The following SIK3 variants were observed in gnomAD, a reference collection of about 807,000 sequenced individuals.
SIK3 encodes serine/threonine-protein kinase SIK3.
SIK3 carries 28 observed loss-of-function variants against 144.2 expected under a neutral mutation model. That is an observed-to-expected ratio of 0.19 (90% CI 0.14 to 0.27). The LOEUF (loss-of-function observed/expected upper bound fraction) is 0.27. Among genes scored for constraint, SIK3 ranks in the 10% least tolerant of loss-of-function variants. The pLI is 1.00. For missense variants in SIK3, 1,319 were observed against 1,776.0 expected (o/e 0.74, Z 4.62); for synonymous variants, 686 against 676.3 (o/e 1.01, Z -0.22).
At chr11:116,864,557 T>A (rs1435218079) in intron 15 of SIK3, 1 of 152,302 alleles carries the variant, frequency 6.6e-6, no homozygotes, top group Non-Finnish European at 1.5e-5. Flanking sequence ...ACAGCCAGAA[T>A]CTTACAGAAA....
chr11:116,907,862 C>T (rs538592273), intron 4 of SIK3, among the ~76,000 whole-genome samples: 89 of 151,916 alleles, frequency 5.9e-4, no homozygotes, highest in Non-Finnish European at 2.6e-4. Flanking sequence ...AAAAGTGGCA[C>T]AGGAACAACT....
rs373470382 is a variant in SIK3 at position 116,897,129 on chromosome 11, C to T, written c.741+64G>A. 6 of 1,529,050 alleles carry T rather than the reference C, an allele frequency of 3.9e-6. No individual in the cohort carries two copies. In the East Asian group the frequency reaches 7.0e-5, roughly 18 times the overall value. 94.7% of individuals were successfully genotyped at this position (1,529,050 alleles called of 1,614,324 possible). A position where few individuals can be genotyped will look rare whatever the true frequency, so the allele number is the denominator to read the frequency against. On this transcript the variant is annotated intron_variant, in intron 5 of 24. Coordinates refer to ENST00000445177, the MANE Select transcript of SIK3 (RefSeq NM_001366686.3). ...GCATCATTATGTATCCTTCAGGATG[C>T]GAATAGCTGTCATCAACCAAGGGTA...
intron 1 of SIK3, among the ~76,000 whole-genome samples, chr11:117,046,255 T>C (rs969197659): frequency 5.3e-5 from 8 of 152,216 alleles, no homozygotes; most frequent in Non-Finnish European, 1.0e-4. Flanking sequence ...CAAAATACCA[T>C]GACACAATTA....
At chr11:116,920,801 G>T (rs1946925347) in intron 4 of SIK3, among the ~76,000 whole-genome samples, 1 of 152,228 alleles carries the variant, frequency 6.6e-6, no homozygotes, top group Non-Finnish European at 1.5e-5. Flanking sequence ...GCCAGTGGGA[G>T]TGTGACAATA....
rs1311207540 is a variant in SIK3 at position 117,018,716 on chromosome 11, ATTTATTTTT to A, written c.274-61661_274-61653del. Among the ~76,000 whole-genome samples the A allele has an allele frequency of 4.2e-3, 309 of 72,964 alleles. 3 individuals are homozygous for A. Among genetic ancestry groups the A allele is most frequent in the African/African-American group, 0.025 (287 of 11,306 alleles). The allele number at this position is 72,964 out of a possible 152,430, so 47.9% of individuals were successfully genotyped here. On this transcript the variant is annotated intron_variant, in intron 1 of 24. Coordinates refer to ENST00000445177, the MANE Select transcript of SIK3 (RefSeq NM_001366686.3). ...TGTATCATTGTTTTTATTTTATTTT[ATTTATTTTT>A]TTTTTTTGAAACAGTTTCACTCCGT...
intron 16 of SIK3, among the ~76,000 whole-genome samples, chr11:116,863,374 A>C (rs776235772): frequency 5.9e-5 from 9 of 152,068 alleles, no homozygotes; most frequent in Non-Finnish European, 1.3e-4. Flanking sequence ...TCTCAGCCTC[A>C]GGAGTAGCTG....
At chr11:117,003,127 T>C (rs1591516318) in intron 1 of SIK3, among the ~76,000 whole-genome samples, 1 of 152,170 alleles carries the variant, frequency 6.6e-6, no homozygotes, top group East Asian at 1.9e-4. Flanking sequence ...CACAGTAACA[T>C]CTCGTTTCCT....
chr11:116,932,997 A>T (rs973471720), intron 3 of SIK3, among the ~76,000 whole-genome samples: 5 of 151,932 alleles, frequency 3.3e-5, no homozygotes, highest in Non-Finnish European at 5.9e-5. Flanking sequence ...TCTCAAACTC[A>T]TGGGCTCAAG....
At chr11:116,924,982 T>C (rs1186337681) in intron 4 of SIK3, among the ~76,000 whole-genome samples, 2 of 152,142 alleles carry the variant, frequency 1.3e-5, no homozygotes, top group African/African-American at 2.4e-5. Context: ...TGTATTAACA[T>C]GATTAAAGAT....
intron 21 of SIK3, chr11:116,855,658 T>C (rs1942851217): frequency 6.6e-6 from 1 of 152,260 alleles, no homozygotes; most frequent in Non-Finnish European, 1.5e-5. Context: ...GCAGCTATGC[T>C]CCTTCCTCAG....
chr11:117,024,174 G>C (rs183549907), intron 1 of SIK3, among the ~76,000 whole-genome samples: 11 of 151,956 alleles, frequency 7.2e-5, no homozygotes, highest in African/African-American at 2.4e-4. Flanking sequence ...CTGGGTTGTG[G>C]GCAATCTCTC....
rs34756068 is a variant in SIK3, at chr11:117,070,443, CT to C, written c.273+27699del. Reference sequence around the variant, plus strand: ...TCCAGCCTGGATGACTGAACAATACCTTTTTTTTTTTTTCTTTTTTGAGACA... The same window carrying C: ...TCCAGCCTGGATGACTGAACAATACCTTTTTTTTTTTTCTTTTTTGAGACA... On this transcript the variant is annotated intron_variant, in intron 1 of 24. Coordinates refer to ENST00000445177, the MANE Select transcript of SIK3 (RefSeq NM_001366686.3). Among the ~76,000 whole-genome samples the C allele has an allele frequency of 8.0e-3, 1,173 of 146,710 alleles. 12 individuals are homozygous for C. Among genetic ancestry groups the C allele is most frequent in the African/African-American group, 0.025 (990 of 40,006 alleles).
intron 1 of SIK3, among the ~76,000 whole-genome samples, chr11:117,026,395 T>C (rs572513828): frequency 1.2e-4 from 18 of 152,308 alleles, no homozygotes; most frequent in Admixed American, 8.5e-4. Context: ...TCCCCATCGC[T>C]AAGCAGTGCG....
intron 1 of SIK3, among the ~76,000 whole-genome samples, chr11:117,073,499 G>C (rs1264855602): frequency 6.6e-6 from 1 of 152,132 alleles, no homozygotes; most frequent in African/African-American, 2.4e-5. Context: ...AAAGAACTTT[G>C]GACAAGTTAC....
intron 3 of SIK3, among the ~76,000 whole-genome samples, chr11:116,938,641 GA>G (rs1948119440): frequency 7.1e-6 from 1 of 139,876 alleles, no homozygotes; most frequent in Non-Finnish European, 1.5e-5. Flanking sequence ...GAGAGGAGAG[GA>G]GAGGAGAGGA....
At chr11:116,982,827 C>A (rs1481727640) in intron 1 of SIK3, among the ~76,000 whole-genome samples, 2 of 151,262 alleles carry the variant, frequency 1.3e-5, no homozygotes, top group Admixed American at 1.3e-4. Context: ...ACCTGTAGTC[C>A]CAGTTACTCA....
chr11:116,872,701 T>C (rs1944029674), intron 13 of SIK3, among the ~76,000 whole-genome samples: 1 of 152,254 alleles, frequency 6.6e-6, no homozygotes, highest in African/African-American at 2.4e-5. Context: ...GTATTTTATA[T>C]GTGTTTAAAT....
rs552561084 is a variant in SIK3, at chr11:116,978,209, G to A, written c.274-21145C>T. Reference sequence around the variant, plus strand: ...CTCCAGCCTTGGTGACAGAGACTCCGTCTCAAAAAAAAAAAATTACTATCC... The same window carrying A: ...CTCCAGCCTTGGTGACAGAGACTCCATCTCAAAAAAAAAAAATTACTATCC... On this transcript the variant is annotated intron_variant, in intron 1 of 24. Transcript: ENST00000445177. Among the ~76,000 whole-genome samples the A allele has an allele frequency of 4.6e-3, 673 of 146,052 alleles. 3 individuals are homozygous for A. Among genetic ancestry groups the A allele is most frequent in the Non-Finnish European group, 6.8e-3 (459 of 67,288 alleles).
At chr11:117,021,504 C>G (rs2135741564) in intron 1 of SIK3, among the ~76,000 whole-genome samples, 2 of 152,252 alleles carry the variant, frequency 1.3e-5, no homozygotes, top group South Asian at 4.1e-4. Flanking sequence ...AAGTGAGGGC[C>G]TGGCTGAGCC....
Sources: allele counts gnomAD v4.1 joint callset (sites outside exome capture counted in the v4.1 genomes callset), GRCh38; gene constraint gnomAD v4.1.1; transcripts MANE v1.5; gene names NCBI Gene and HGNC (gene_info 2026-07-23, HGNC 2026-07-21).